CMC1: variants seen among roughly 807,000 people sequenced by gnomAD.
The protein encoded by CMC1 is C-X9-C motif containing 1.
CMC1 carries 14 observed loss-of-function variants against 14.1 expected under a neutral mutation model. That is an observed-to-expected ratio of 0.99 (90% CI 0.66 to 1.55). The LOEUF is 1.55. CMC1 is among the 40% of genes most tolerant of loss of function. CMC1 has a pLI of 0.00. For synonymous variants in CMC1, 50 were observed against 38.4 expected (o/e 1.30, Z -1.12); for missense variants, 127 against 123.8 (o/e 1.03, Z -0.12).
chr3:28,282,951 T>C (rs1577041640), intron 2 of CMC1, among the ~76,000 whole-genome samples: 1 of 152,176 alleles, frequency 6.6e-6, no homozygotes, highest in Non-Finnish European at 1.5e-5. Context: ...CTAGGACATA[T>C]CTTTCTGTAA....
chr3:28,307,345 A>G (rs1702377255), intron 2 of CMC1, among the ~76,000 whole-genome samples: 1 of 152,148 alleles, frequency 6.6e-6, no homozygotes, highest in South Asian at 2.1e-4. Context: ...GCAATATAGC[A>G]AGACCTTGTC....
intron 2 of CMC1, among the ~76,000 whole-genome samples, chr3:28,286,367 A>G (rs1701179784): frequency 6.6e-6 from 1 of 152,176 alleles, no homozygotes; most frequent in South Asian, 2.1e-4. Flanking sequence ...GATAGTTTAT[A>G]TAGGGTTGTT....
chr3:28,244,574 A>G (rs1213745053), intron 1 of CMC1, among the ~76,000 whole-genome samples: 5 of 152,126 alleles, frequency 3.3e-5, no homozygotes, highest in Non-Finnish European at 5.9e-5. Context: ...CTAAAATACA[A>G]AAAATTTAGC....
At chr3:28,282,290 TAA>T (rs1333444143) in intron 2 of CMC1, among the ~76,000 whole-genome samples, 3 of 152,240 alleles carry the variant, frequency 2.0e-5, no homozygotes, top group African/African-American at 7.2e-5. Context: ...TTGCTAGAAC[TAA>T]AGAGACGTCC....
intron 2 of CMC1, among the ~76,000 whole-genome samples, chr3:28,314,217 T>C (rs1702778104): frequency 6.6e-6 from 1 of 152,200 alleles, no homozygotes; most frequent in Admixed American, 6.5e-5. Flanking sequence ...CATCATGCTA[T>C]AAATAGAAAA....
chr3:28,301,843 A>G (rs7641491), intron 2 of CMC1, among the ~76,000 whole-genome samples: 79,505 of 151,828 alleles, frequency 0.52, 21,269 homozygotes, highest in Admixed American at 0.55. Context: ...GTATGATGAA[A>G]CGGCAGCATT....
At chr3:28,296,628 T>C (rs957197341) in intron 2 of CMC1, among the ~76,000 whole-genome samples, 2 of 152,028 alleles carry the variant, frequency 1.3e-5, no homozygotes, top group South Asian at 2.1e-4. Flanking sequence ...TGTGTCTTAT[T>C]ATTTTTATTA....
chr3:28,323,900 T>G lies in CMC1; in HGVS notation c.*4271T>G. ...CCAACTATGTTGGTTTTTGTACTATTGTACAGTGTGTTCAAATATAGATAC... is the reference window on the plus strand; with the variant it reads ...CCAACTATGTTGGTTTTTGTACTATGGTACAGTGTGTTCAAATATAGATAC... On this transcript the variant is annotated 3_prime_UTR_variant, in exon 4 of 4. Transcript: ENST00000466830. 1 of 924,564 alleles carries G rather than the reference T, an allele frequency of 1.1e-6. No homozygotes were observed. The highest frequency in any genetic ancestry group is 1.6e-6 in the Non-Finnish European group (1 of 619,416). The allele number at this position is 924,564 out of a possible 1,614,324, so 57.3% of individuals were successfully genotyped here.
At chr3:28,312,414 G>A (rs1199419622) in intron 2 of CMC1, among the ~76,000 whole-genome samples, 5 of 152,146 alleles carry the variant, frequency 3.3e-5, no homozygotes, top group African/African-American at 1.2e-4. Context: ...CTCAGTGAAT[G>A]CTTTAGTTCT....
At chr3:28,310,944 G>T (rs574916274) in intron 2 of CMC1, among the ~76,000 whole-genome samples, 5 of 152,304 alleles carry the variant, frequency 3.3e-5, no homozygotes, top group African/African-American at 1.2e-4. Context: ...TAATGCTGCT[G>T]CTGATCTGAC....
chr3:28,273,124 A>G (rs1700383200), intron 2 of CMC1, among the ~76,000 whole-genome samples: 1 of 152,200 alleles, frequency 6.6e-6, no homozygotes, highest in Non-Finnish European at 1.5e-5. Context: ...TACCTCTGGT[A>G]GAATTCAGCT....
At chr3:28,300,844 C>T (rs1003210664) in intron 2 of CMC1, among the ~76,000 whole-genome samples, 2 of 151,348 alleles carry the variant, frequency 1.3e-5, no homozygotes, top group African/African-American at 2.4e-5. Context: ...GCCAGTTTTC[C>T]TCCTATGAAA....
intron 2 of CMC1, among the ~76,000 whole-genome samples, chr3:28,306,091 T>A (rs1702292488): frequency 6.6e-6 from 1 of 152,108 alleles, no homozygotes; most frequent in Non-Finnish European, 1.5e-5. Context: ...TATGATAGCC[T>A]TGTAGTATAT....
rs1296797477 is a variant in CMC1 at position 28,274,211 on chromosome 3, TG to T, written c.109+10832del. ...ATTGGTCTTTGTACTAAAGTGTTTT[TG>T]TTTTTTTCTTTTTTTTTTTTTTTGC... On this transcript the variant is annotated intron_variant, in intron 2 of 3. Transcript: ENST00000466830. Among the ~76,000 whole-genome samples, 700 of 129,462 alleles carry T rather than the reference TG, an allele frequency of 5.4e-3. 38 individuals are homozygous for T. The highest frequency in any genetic ancestry group is 0.023 in the East Asian group (94 of 4,096). 84.9% of individuals were successfully genotyped at this position (129,462 alleles called of 152,430 possible). A position where few individuals can be genotyped will look rare whatever the true frequency, so the allele number is the denominator to read the frequency against.
intron 3 of CMC1, chr3:28,317,426 T>C (rs1375952885): frequency 6.6e-6 from 1 of 152,038 alleles, no homozygotes; most frequent in Non-Finnish European, 1.5e-5. Flanking sequence ...GAGTAAAAGT[T>C]CATTCTGTGA....
At chr3:28,255,424 T>G (rs1463526321) in intron 1 of CMC1, among the ~76,000 whole-genome samples, 2 of 151,856 alleles carry the variant, frequency 1.3e-5, no homozygotes, top group Non-Finnish European at 2.9e-5. Context: ...TAGTTTTTTT[T>G]CACTAGAGAC....
chr3:28,256,431 T>C (rs926991146), intron 1 of CMC1, among the ~76,000 whole-genome samples: 1 of 152,110 alleles, frequency 6.6e-6, no homozygotes, highest in Non-Finnish European at 1.5e-5. Flanking sequence ...CCCACCCAAA[T>C]AATCTTTGAT....
chr3:28,318,630 A>C (rs535025261), intron 3 of CMC1: 1 of 152,148 alleles, frequency 6.6e-6, no homozygotes, highest in South Asian at 2.1e-4. Context: ...TGAATTATAC[A>C]GTAGTCTAGT....
Position 28,319,510 on chromosome 3 carries a change from T to C in CMC1, c.202T>C (p.Tyr68His), listed in dbSNP as rs372262667. The C allele has an allele frequency of 6.3e-7, 1 of 1,595,206 alleles. No individual in the cohort carries two copies. Among genetic ancestry groups the C allele is most frequent in the Non-Finnish European group, 8.6e-7 (1 of 1,168,402 alleles). ...SALKECLTAY[Y>H]NDPAFYEECK... ...AATATTTTCATTTCCTTCTCATAGC[T>C]ATAATGATCCAGCCTTTTATGAAGA... Residue 68 changes from tyrosine to histidine, a missense_variant and splice_region_variant, in exon 4 of 4, where the codon TAT becomes CAT. Coordinates refer to ENST00000466830, the MANE Select transcript of CMC1 (RefSeq NM_182523.2).
Sources: gnomAD v4.1 joint callset for allele counts (sites outside exome capture counted in the v4.1 genomes callset) on GRCh38, gnomAD v4.1.1 for gene constraint, MANE v1.5 for transcripts, NCBI Gene and HGNC (gene_info 2026-07-23, HGNC 2026-07-21) for gene names.